The following DOCK2 variants were observed in gnomAD, a reference collection of about 807,000 sequenced individuals.
DOCK2 encodes dedicator of cytokinesis protein 2.
In DOCK2, 87 loss-of-function variants were observed where a neutral mutation model predicts 248.9. The ratio of observed to expected loss-of-function variants is 0.35; its 90% CI spans 0.29 to 0.42. The LOEUF is 0.42. DOCK2 is among the 10% of genes least tolerant of loss of function. DOCK2 has a pLI of 1.00. For missense variants in DOCK2, 1,747 were observed against 2,300.2 expected (o/e 0.76, Z 4.92); for synonymous variants, 805 against 821.6 (o/e 0.98, Z 0.35).
intron 44 of DOCK2, among the ~76,000 whole-genome samples, chr5:170,061,170 AT>A (rs1757314955): frequency 6.6e-6 from 1 of 152,080 alleles, no homozygotes; most frequent in Admixed American, 6.6e-5. Context: ...CTGATAATTC[AT>A]TTTCTCTTCA....
At chr5:170,013,361 C>G (rs1402661438) in intron 32 of DOCK2, among the ~76,000 whole-genome samples, 1 of 152,076 alleles carries the variant, frequency 6.6e-6, no homozygotes, top group Non-Finnish European at 1.5e-5. Context: ...AATATGTTAC[C>G]TGACACAGCA....
intron 2 of DOCK2, among the ~76,000 whole-genome samples, chr5:169,654,811 T>C (rs1164954040): frequency 6.6e-6 from 1 of 152,178 alleles, no homozygotes; most frequent in Non-Finnish European, 1.5e-5. Flanking sequence ...TAAGCATCAT[T>C]AGGGTTTGGA....
chr5:169,639,332 G>A (rs936012053), intron 1 of DOCK2, among the ~76,000 whole-genome samples: 3 of 152,176 alleles, frequency 2.0e-5, no homozygotes, highest in African/African-American at 7.2e-5. Context: ...CTCCTTGCAG[G>A]AGAGAGGAAA....
chr5:169,933,792 A>G (rs1360855539), intron 27 of DOCK2, among the ~76,000 whole-genome samples: 1 of 152,022 alleles, frequency 6.6e-6, no homozygotes, highest in African/African-American at 2.4e-5. Context: ...ATTTCTTTCA[A>G]CATGCAGATT....
At chr5:169,858,262 C>T (rs1415056371) in intron 27 of DOCK2, among the ~76,000 whole-genome samples, 2 of 152,190 alleles carry the variant, frequency 1.3e-5, no homozygotes, top group South Asian at 2.1e-4. Context: ...ACAAGGACAA[C>T]TGCGCCAAGG....
chr5:169,847,309 C>T (rs920799001), intron 27 of DOCK2, among the ~76,000 whole-genome samples: 3 of 152,198 alleles, frequency 2.0e-5, no homozygotes, highest in African/African-American at 7.2e-5. Flanking sequence ...TGCATTCCCA[C>T]CAGCAGTGTA....
intron 32 of DOCK2, among the ~76,000 whole-genome samples, chr5:170,012,574 T>G (rs1052946337): frequency 6.6e-6 from 1 of 151,974 alleles, no homozygotes; most frequent in Non-Finnish European, 1.5e-5. Context: ...CTAGACAAAT[T>G]GTGTGTGTGT....
At chr5:169,941,970 T>C (rs1182467266) in intron 27 of DOCK2, among the ~76,000 whole-genome samples, 1 of 152,244 alleles carries the variant, frequency 6.6e-6, no homozygotes, top group Non-Finnish European at 1.5e-5. Context: ...GAAGTAAAAC[T>C]GTATTATATC....
chr5:169,871,831 T>A (rs1379274243), intron 27 of DOCK2, among the ~76,000 whole-genome samples: 2 of 152,152 alleles, frequency 1.3e-5, no homozygotes, highest in Non-Finnish European at 2.9e-5. Context: ...CAGTCCACCT[T>A]GGAATACTCT....
chr5:169,817,531 C>G (rs1768141023), intron 26 of DOCK2, among the ~76,000 whole-genome samples: 1 of 152,228 alleles, frequency 6.6e-6, no homozygotes, highest in African/African-American at 2.4e-5. Flanking sequence ...CTAGTCCTTC[C>G]TAAGCCTCAC....
intron 25 of DOCK2, among the ~76,000 whole-genome samples, chr5:169,791,185 G>T (rs12520941): frequency 0.13 from 19,875 of 148,972 alleles, 1,683 homozygotes; most frequent in Admixed American, 0.24. Context: ...CAGGCATTGT[G>T]CTAGGAACTG....
At chr5:169,690,021 A>G (rs1471473287) in intron 9 of DOCK2, among the ~76,000 whole-genome samples, 4 of 151,256 alleles carry the variant, frequency 2.6e-5, no homozygotes, top group Admixed American at 1.3e-4. Context: ...CCCCTTTCTC[A>G]TCCTGTTTCC....
chr5:169,784,632 G>A (rs1363264452), intron 25 of DOCK2, among the ~76,000 whole-genome samples: 1 of 152,142 alleles, frequency 6.6e-6, no homozygotes, highest in Admixed American at 6.5e-5. Context: ...TATCTTTGCT[G>A]TTTTGTTTTT....
chr5:169,907,040 A>G (rs1774321382), intron 27 of DOCK2, among the ~76,000 whole-genome samples: 1 of 152,166 alleles, frequency 6.6e-6, no homozygotes, highest in East Asian at 1.9e-4. Context: ...CACTGAGCTT[A>G]TGGTCTGTCA....
intron 9 of DOCK2, among the ~76,000 whole-genome samples, chr5:169,692,374 C>T (rs1057139004): frequency 3.3e-5 from 5 of 152,040 alleles, no homozygotes; most frequent in Admixed American, 6.6e-5. Flanking sequence ...TTTGTAAGGC[C>T]GAAGCAGAAA....
chr5:169,940,259 G>C (rs1199302148), intron 27 of DOCK2, among the ~76,000 whole-genome samples: 1 of 152,226 alleles, frequency 6.6e-6, no homozygotes, highest in Non-Finnish European at 1.5e-5. Flanking sequence ...CTGTGTGCCA[G>C]ACTCTGATCA....
At chr5:169,844,057 G>C (rs1201488031) in intron 27 of DOCK2, among the ~76,000 whole-genome samples, 5 of 152,140 alleles carry the variant, frequency 3.3e-5, no homozygotes, top group Admixed American at 2.0e-4. Context: ...ACTTCTCTTG[G>C]GTAGAAATCT....
chr5:169,817,292 T>G (rs1218926605), intron 26 of DOCK2, among the ~76,000 whole-genome samples: 1 of 152,266 alleles, frequency 6.6e-6, no homozygotes, highest in East Asian at 1.9e-4. Context: ...CTGGCACATG[T>G]TGAGACAAGC....
intron 27 of DOCK2, among the ~76,000 whole-genome samples, chr5:169,888,635 G>A (rs537019087): frequency 6.6e-6 from 1 of 152,350 alleles, no homozygotes; most frequent in African/African-American, 2.4e-5. Flanking sequence ...GAGGGGTTAA[G>A]TGCATAGGCT....
Sources: allele counts gnomAD v4.1 joint callset (sites outside exome capture counted in the v4.1 genomes callset), GRCh38; gene constraint gnomAD v4.1.1; transcripts MANE v1.5; gene names NCBI Gene and HGNC (gene_info 2026-07-23, HGNC 2026-07-21).